The following ITPK1 variants were observed in gnomAD, a reference collection of about 807,000 sequenced individuals.
ITPK1 encodes inositol-tetrakisphosphate 1-kinase, also known as inositol 1,3,4-trisphosphate 5/6-kinase.
ITPK1 carries 21 observed loss-of-function variants against 45.3 expected under a neutral mutation model. That is an observed-to-expected ratio of 0.46 (90% CI 0.33 to 0.67). ITPK1 has a LOEUF of 0.67. Among genes scored for constraint, ITPK1 ranks in the 30% least tolerant of loss-of-function variants. ITPK1 has a pLI of 0.02. For synonymous variants in ITPK1, 258 were observed against 253.6 expected (o/e 1.02, Z -0.16); for missense variants, 474 against 573.5 (o/e 0.83, Z 1.77).
chr14:93,021,982 C>T (rs554098849), intron 3 of ITPK1, among the ~76,000 whole-genome samples: 4 of 152,266 alleles, frequency 2.6e-5, no homozygotes, highest in African/African-American at 9.6e-5. Context: ...ACTTTTCTCC[C>T]TAGAAGATAA....
chr14:92,983,208 T>C (rs1005478360), intron 5 of ITPK1, among the ~76,000 whole-genome samples: 16 of 152,146 alleles, frequency 1.1e-4, no homozygotes, highest in African/African-American at 3.6e-4. Flanking sequence ...GCTGGAAACG[T>C]GGGTAGACTC....
chr14:93,011,992 G>A (rs757754314), intron 4 of ITPK1, among the ~76,000 whole-genome samples: 7 of 149,362 alleles, frequency 4.7e-5, no homozygotes, highest in African/African-American at 1.5e-4. Flanking sequence ...AGACATCGCC[G>A]CACATGCCCA....
Position 93,056,148 on chromosome 14 carries a change from G to A in ITPK1, c.120+20447C>T, listed in dbSNP as rs571713898. ...AGAGAAGGCTGGGGTGACTGTGTGA[G>A]TAGAGACTGGTGTGTGCAAAGCAGG... On this transcript the variant is annotated intron_variant, in intron 3 of 10. Coordinates refer to ENST00000267615, the MANE Select transcript of ITPK1 (RefSeq NM_014216.6). Among the ~76,000 whole-genome samples the A allele has an allele frequency of 2.6e-5, 4 of 152,356 alleles. No individual in the cohort carries two copies. In the South Asian group the frequency reaches 8.3e-4, roughly 32 times the overall value.
chr14:92,960,643 G>A (rs1240392833), intron 7 of ITPK1, among the ~76,000 whole-genome samples: 1 of 152,188 alleles, frequency 6.6e-6, no homozygotes, highest in South Asian at 2.1e-4. Context: ...TGAGTTAGGC[G>A]GATCTACTCA....
At chr14:93,053,364 G>C (rs1890096130) in intron 3 of ITPK1, among the ~76,000 whole-genome samples, 1 of 152,110 alleles carries the variant, frequency 6.6e-6, no homozygotes, top group Non-Finnish European at 1.5e-5. Flanking sequence ...CAATCCAGTG[G>C]TTCCCCACCC....
intron 3 of ITPK1, among the ~76,000 whole-genome samples, chr14:93,048,303 C>T (rs1207026514): frequency 1.3e-5 from 2 of 152,218 alleles, no homozygotes; most frequent in Non-Finnish European, 2.9e-5. Context: ...CCAGTCTTTA[C>T]GTCAAGGGTG....
rs1884870089 is a variant in ITPK1, at chr14:92,958,455, C to T, written c.505-89G>A. The T allele has an allele frequency of 7.9e-7, 1 of 1,259,456 alleles. No individual in the cohort carries two copies. The highest frequency in any genetic ancestry group is 1.1e-6 in the Non-Finnish European group (1 of 882,108). 78.0% of individuals were successfully genotyped at this position (1,259,456 alleles called of 1,614,324 possible). ...GGTGTGTCACCTGTCCAGAGCACCT[C>T]CACCAAGGCCCATCCCTGGTCCTGT... On this transcript the variant is annotated intron_variant, in intron 7 of 10. Transcript: ENST00000267615. This position sits in a 1 kb window ranked among gnomAD's most constrained non-coding sequence, Gnocchi z 4.4.
At chr14:93,003,085 C>T (rs1887431893) in intron 4 of ITPK1, among the ~76,000 whole-genome samples, 1 of 152,208 alleles carries the variant, frequency 6.6e-6, no homozygotes, top group Admixed American at 6.5e-5. Context: ...GCCAGCACTG[C>T]ACTTATGCAC....
chr14:92,974,842 G>A (rs968257894), intron 5 of ITPK1, among the ~76,000 whole-genome samples: 12 of 152,344 alleles, frequency 7.9e-5, no homozygotes, highest in African/African-American at 1.9e-4. Flanking sequence ...CCAGCCGTCC[G>A]GTTCACTGAG....
At position 93,094,443 on chromosome 14, in the gene ITPK1, G is replaced by A. The variant is rs117210646; in HGVS notation, c.96-17824C>T. Among the ~76,000 whole-genome samples the A allele has an allele frequency of 1.3e-3, 198 of 152,304 alleles. 2 individuals are homozygous for A. The East Asian group carries it at 0.031, about 24-fold the overall frequency. ...GTGCCAGCTGCACACCACCCATACA[G>A]CTAAGTCACCAAGGAGCTGTCAGCT... On this transcript the variant is annotated intron_variant, in intron 2 of 10. Coordinates refer to ENST00000267615, the MANE Select transcript of ITPK1 (RefSeq NM_014216.6).
At chr14:93,054,487 T>TG (rs944250895) in intron 3 of ITPK1, among the ~76,000 whole-genome samples, 15 of 151,954 alleles carry the variant, frequency 9.9e-5, no homozygotes, top group African/African-American at 3.6e-4. Context: ...CTAAAACCAT[T>TG]GGGAAAAAAA....
In ITPK1 at chr14:93,016,128, G is replaced by T. The variant is rs1168308507; in HGVS notation, c.246+548C>A. Among the ~76,000 whole-genome samples, 1 of 152,196 alleles carries T rather than the reference G, an allele frequency of 6.6e-6. No individual in the cohort carries two copies. Among genetic ancestry groups the T allele is most frequent in the African/African-American group, 2.4e-5 (1 of 41,448 alleles). On this transcript the variant is annotated intron_variant, in intron 4 of 10. Coordinates refer to ENST00000267615, the MANE Select transcript of ITPK1 (RefSeq NM_014216.6). This position sits in a 1 kb window ranked among gnomAD's most constrained non-coding sequence, Gnocchi z 5.0. ...CAGGGCAGTGGGCAGGTCACTGTGC[G>T]ATCAGGACCTGGGAGGCCGCTGGGG...
Position 93,014,314 on chromosome 14 carries a change from G to A in ITPK1, c.246+2362C>T, listed in dbSNP as rs7146514. 2.3e-3 allele frequency among the ~76,000 whole-genome samples: 348 copies of A among 152,292 alleles called. No homozygotes were observed. Among genetic ancestry groups the A allele is most frequent in the African/African-American group, 8.0e-3 (333 of 41,556 alleles). ...TTTCTGCCCAGAAAAGGAACACAGC[G>A]GGCACTCTCATTCACTGTTTGGACA... is the stretch of plus-strand genomic sequence containing the variant. On this transcript the variant is annotated intron_variant, in intron 4 of 10. Transcript: ENST00000267615. This position sits in a 1 kb window ranked among gnomAD's most constrained non-coding sequence, Gnocchi z 4.4.
chr14:92,946,636 G>C (rs902031515), intron 9 of ITPK1, 143 bp from the exon 10 acceptor site: 21 of 828,130 alleles, frequency 2.5e-5, no homozygotes, highest in Non-Finnish European at 4.0e-5. Context: ...TGGTGAGCAC[G>C]GGGCGGCCAC....
rs1025090920 is a variant in ITPK1 at position 92,938,246 on chromosome 14, C to A, written c.*3315G>T. 1.7e-6 allele frequency: 1 copy of A among 587,982 alleles called. No homozygotes were observed. Among genetic ancestry groups the A allele is most frequent in the East Asian group, 2.8e-5 (1 of 35,228 alleles). The allele number at this position is 587,982 out of a possible 1,614,324, so 36.4% of individuals were successfully genotyped here. On this transcript the variant is annotated 3_prime_UTR_variant, in exon 11 of 11. Coordinates refer to ENST00000267615, the MANE Select transcript of ITPK1 (RefSeq NM_014216.6). ...GTGCTGGGATGACAGGCGTGAGCCG[C>A]CATGCCCGGCCAGAGTTTCTAGGGA...
rs561428030 is a variant in ITPK1, at chr14:93,012,406, T to C, written c.246+4270A>G. ...AACAGCTTGTGCAAAGGCGCTGAGG[T>C]GGACACACATCAGAGCCTGGGCAGC... On this transcript the variant is annotated intron_variant, in intron 4 of 10. Transcript: ENST00000267615. This position sits in a 1 kb window ranked among gnomAD's most constrained non-coding sequence, Gnocchi z 4.9. 8.5e-5 allele frequency among the ~76,000 whole-genome samples: 13 copies of C among 152,112 alleles called. No individual in the cohort carries two copies. The highest frequency in any genetic ancestry group is 3.1e-4 in the African/African-American group (13 of 41,496).
intron 2 of ITPK1, among the ~76,000 whole-genome samples, chr14:93,096,978 T>C (rs928377987): frequency 6.6e-6 from 1 of 152,124 alleles, no homozygotes; most frequent in African/African-American, 2.4e-5. Flanking sequence ...GGACTGACAA[T>C]ACCTGGGTCG....
chr14:93,048,580 G>C (rs1029724786), intron 3 of ITPK1, among the ~76,000 whole-genome samples: 1 of 152,170 alleles, frequency 6.6e-6, no homozygotes, highest in Non-Finnish European at 1.5e-5. Context: ...CAAAGCTCCT[G>C]ATACTCCCAC....
rs535110581 is a variant in ITPK1, at chr14:92,964,026, C to G, written c.365-1177G>C. The stretch of plus-strand genomic sequence containing the variant: ...TGGCTAGGAGGTCAGGACATTAAAT[C>G]AAGGTAGATCCAGCCTCATTTATGT... On this transcript the variant is annotated intron_variant, in intron 5 of 10. Coordinates refer to ENST00000267615, the MANE Select transcript of ITPK1 (RefSeq NM_014216.6). Among the ~76,000 whole-genome samples the G allele has an allele frequency of 2.0e-5, 3 of 152,356 alleles. No individual in the cohort carries two copies. The South Asian group carries it at 6.2e-4, about 32-fold the overall frequency.
Sources: allele counts gnomAD v4.1 joint callset (sites outside exome capture counted in the v4.1 genomes callset), GRCh38; gene constraint gnomAD v4.1.1; non-coding constraint Gnocchi (gnomAD v3.1); transcripts MANE v1.5; gene names NCBI Gene and HGNC (gene_info 2026-07-23, HGNC 2026-07-21).